The following AKAP7 variants were observed in gnomAD, a reference collection of about 807,000 sequenced individuals.
AKAP7 encodes A kinase (PRKA) anchor protein 7.
In AKAP7, 39 loss-of-function variants were observed where a neutral mutation model predicts 39.5. That is an observed-to-expected ratio of 0.99 (90% CI 0.76 to 1.29). AKAP7 has a LOEUF of 1.29. Ranked by LOEUF, AKAP7 falls within the 50% of genes most tolerant of loss-of-function variation. The pLI is 0.00. For synonymous variants in AKAP7, 140 were observed against 139.1 expected (o/e 1.01, Z -0.05); for missense variants, 414 against 407.7 (o/e 1.02, Z -0.13).
rs1262190711 is a variant in AKAP7, at chr6:131,281,877, G to A, written c.*151G>A. 4.7e-6 allele frequency: 6 copies of A among 1,274,302 alleles called. No individual in the cohort carries two copies. Among genetic ancestry groups the A allele is most frequent in the Middle Eastern group, 3.0e-4 (1 of 3,324 alleles). The allele number at this position is 1,274,302 out of a possible 1,614,324, so 78.9% of individuals were successfully genotyped here. On this transcript the variant is annotated 3_prime_UTR_variant, in exon 8 of 8. Coordinates refer to ENST00000431975, the MANE Select transcript of AKAP7 (RefSeq NM_016377.4). This position sits in a 1 kb window ranked among gnomAD's most constrained non-coding sequence, Gnocchi z 4.0. ...AATACTTTTCATGATCGATGTGTTC[G>A]CATTGCTGAAACACAACAGAAGAAA...
chr6:131,147,084 A>G (rs953971212), intron 2 of AKAP7, among the ~76,000 whole-genome samples: 1 of 152,214 alleles, frequency 6.6e-6, no homozygotes, highest in African/African-American at 2.4e-5. Flanking sequence ...GGTGTTTGGC[A>G]AGAGTAGAGG....
At chr6:131,239,525 C>T (rs561398519) in intron 7 of AKAP7, among the ~76,000 whole-genome samples, 64 of 152,290 alleles carry the variant, frequency 4.2e-4, no homozygotes, top group African/African-American at 1.5e-3. Flanking sequence ...TCCATTCTCC[C>T]CGTCACTTTC....
intron 7 of AKAP7, among the ~76,000 whole-genome samples, chr6:131,247,850 G>A (rs901952813): frequency 5.3e-5 from 8 of 152,008 alleles, no homozygotes; most frequent in African/African-American, 1.2e-4. Flanking sequence ...GGCTGGTCTC[G>A]CAGTCTTGGC....
intron 7 of AKAP7, among the ~76,000 whole-genome samples, chr6:131,279,713 T>C (rs1815053390): frequency 6.6e-6 from 1 of 152,196 alleles, no homozygotes; most frequent in South Asian, 2.1e-4. Flanking sequence ...TTCAACCCTG[T>C]CATCTTGCTG....
chr6:131,176,118 C>T (rs533388940), intron 5 of AKAP7, among the ~76,000 whole-genome samples: 1 of 152,180 alleles, frequency 6.6e-6, no homozygotes, highest in Non-Finnish European at 1.5e-5. Flanking sequence ...TATGCTGTTA[C>T]TAACAGTTAT....
At chr6:131,203,823 G>T (rs1807841857) in intron 6 of AKAP7, among the ~76,000 whole-genome samples, 1 of 152,086 alleles carries the variant, frequency 6.6e-6, no homozygotes, top group Non-Finnish European at 1.5e-5. Context: ...TAATTAGGTT[G>T]ATTTCTGTTT....
intron 2 of AKAP7, among the ~76,000 whole-genome samples, chr6:131,152,826 CA>C (rs759814910): frequency 0.01 from 400 of 39,056 alleles, no homozygotes; most frequent in African/African-American, 0.012. Context: ...GACTCCATCT[CA>C]AAAAAAAAAA....
chr6:131,247,658 T>C (rs1347006780), intron 7 of AKAP7, among the ~76,000 whole-genome samples: 2 of 151,936 alleles, frequency 1.3e-5, no homozygotes, highest in Non-Finnish European at 2.9e-5. Flanking sequence ...TCTCACTCGG[T>C]CACTCCTGCA....
chr6:131,270,532 G>T (rs1256392490), intron 7 of AKAP7, among the ~76,000 whole-genome samples: 22 of 152,192 alleles, frequency 1.4e-4, no homozygotes, highest in Admixed American at 1.3e-3. Flanking sequence ...AAACATTCAT[G>T]TATAGGTGTT....
At chr6:131,259,536 G>A (rs1562249602) in intron 7 of AKAP7, among the ~76,000 whole-genome samples, 1 of 152,210 alleles carries the variant, frequency 6.6e-6, no homozygotes, top group Non-Finnish European at 1.5e-5. Context: ...AGGACAGTGA[G>A]TGTTAGTTTA....
At chr6:131,234,556 A>G (rs1383423985) in intron 7 of AKAP7, among the ~76,000 whole-genome samples, 1 of 152,158 alleles carries the variant, frequency 6.6e-6, no homozygotes, top group East Asian at 1.9e-4. Flanking sequence ...AGGGACGTGT[A>G]AGTAATTCAC....
At chr6:131,221,085 G>A (rs1439460039) in intron 7 of AKAP7, among the ~76,000 whole-genome samples, 1 of 152,210 alleles carries the variant, frequency 6.6e-6, no homozygotes, top group Non-Finnish European at 1.5e-5. Context: ...TAGGCTTCTT[G>A]TACCAGTTAG....
At chr6:131,164,379 A>T (rs899394950) in intron 3 of AKAP7, 1 of 455,370 alleles carries the variant, frequency 2.2e-6, no homozygotes, top group Non-Finnish European at 4.4e-6. Flanking sequence ...AAGATGCATC[A>T]TTCCTCTCCC....
At chr6:131,196,836 A>G (rs1434454594) in intron 5 of AKAP7, among the ~76,000 whole-genome samples, 3 of 152,168 alleles carry the variant, frequency 2.0e-5, no homozygotes, top group Non-Finnish European at 2.9e-5. Context: ...TTGTGAAATC[A>G]TAGCAATGTT....
At chr6:131,173,857 A>C (rs1804319223) in intron 5 of AKAP7, among the ~76,000 whole-genome samples, 1 of 152,234 alleles carries the variant, frequency 6.6e-6, no homozygotes, top group Admixed American at 6.5e-5. Flanking sequence ...CTTTTAAATA[A>C]TTCACTGGGT....
intron 7 of AKAP7, among the ~76,000 whole-genome samples, chr6:131,247,244 T>A (rs1317141797): frequency 1.5e-5 from 2 of 136,784 alleles, no homozygotes; most frequent in Non-Finnish European, 3.1e-5. Context: ...CAGAATATCT[T>A]GATAGTTAAT....
chr6:131,193,046 T>C (rs1262878475), intron 5 of AKAP7, among the ~76,000 whole-genome samples: 1 of 152,172 alleles, frequency 6.6e-6, no homozygotes, highest in Non-Finnish European at 1.5e-5. Flanking sequence ...ATTTGACTTC[T>C]TCTTTTTCAG....
chr6:131,165,464 A>G (rs1293862849), intron 4 of AKAP7, among the ~76,000 whole-genome samples: 1 of 152,170 alleles, frequency 6.6e-6, no homozygotes, highest in Non-Finnish European at 1.5e-5. Flanking sequence ...CTCATAATAT[A>G]AGCACTCTGG....
chr6:131,235,299 G>C (rs1402690236), intron 7 of AKAP7, among the ~76,000 whole-genome samples: 2 of 152,138 alleles, frequency 1.3e-5, no homozygotes, highest in Admixed American at 6.5e-5. Context: ...TCTTAATCCA[G>C]TCTATCACTG....
Sources: allele counts gnomAD v4.1 joint callset (sites outside exome capture counted in the v4.1 genomes callset), GRCh38; gene constraint gnomAD v4.1.1; non-coding constraint Gnocchi (gnomAD v3.1); transcripts MANE v1.5; gene names NCBI Gene and HGNC (gene_info 2026-07-23, HGNC 2026-07-21).